The following STPG4 variants were observed in gnomAD, a reference collection of about 807,000 sequenced individuals.
STPG4 encodes the protein sperm-tail PG-rich repeat containing 4, also known as protein STPG4.
A neutral mutation model predicts 31.5 loss-of-function variants in STPG4; 41 were observed. The ratio of observed to expected loss-of-function variants is 1.30; its 90% confidence interval spans 1.01 to 1.69. STPG4 has a LOEUF of 1.69. Among genes scored for constraint, STPG4 ranks in the 40% most tolerant of loss-of-function variants. The probability of loss-of-function intolerance (pLI) is 0.00; values close to 1 mark genes in which losing one functional copy is unlikely to be tolerated. For missense variants in STPG4, 375 were observed against 293.4 expected (o/e 1.28, Z -2.03); for synonymous variants, 141 against 103.0 (o/e 1.37, Z -2.24).
Position 47,103,568 on chromosome 2 carries a change from G to A in STPG4, c.520-13194C>T, listed in dbSNP as rs182850758. ...AAACCTTGGTGGTTCAGAGAGGACAGAAAATGGAGCAGGCCAATCACCTGG... is the reference window on the plus strand; with the variant it reads ...AAACCTTGGTGGTTCAGAGAGGACAAAAAATGGAGCAGGCCAATCACCTGG... On this transcript the variant is annotated intron_variant, in intron 5 of 6. Coordinates refer to ENST00000445927, the MANE Select transcript of STPG4 (RefSeq NM_001163561.2). Among the ~76,000 whole-genome samples the A allele has an allele frequency of 6.6e-5, 10 of 152,070 alleles. 1 individual carries two copies. Among genetic ancestry groups the A allele is most frequent in the African/African-American group, 2.4e-4 (10 of 41,366 alleles).
intron 5 of STPG4, among the ~76,000 whole-genome samples, chr2:47,117,202 T>C (rs1327467797): frequency 3.9e-5 from 6 of 152,044 alleles, no homozygotes; most frequent in Non-Finnish European, 7.4e-5. Flanking sequence ...AGAAGATGCA[T>C]GTGGTTTTTT....
At chr2:47,102,711 A>T (rs745871470) in intron 5 of STPG4, among the ~76,000 whole-genome samples, 2 of 151,192 alleles carry the variant, frequency 1.3e-5, no homozygotes, top group African/African-American at 4.9e-5. Context: ...TAAGCAAAGA[A>T]ATCTCCAAAG....
rs143532762 is a variant in STPG4, at chr2:47,113,698, T to C, written c.519+16243A>G. ...TCAAAATTTATCAACAACCTGTACA[T>C]AATCTTTAGTAAATCCCATTTGTGA... On this transcript the variant is annotated intron_variant, in intron 5 of 6. Transcript: ENST00000445927. Among the ~76,000 whole-genome samples, 7 of 152,300 alleles carry C rather than the reference T, an allele frequency of 4.6e-5. No homozygotes were observed. The East Asian group carries it at 9.6e-4, about 21-fold the overall frequency.
intron 3 of STPG4, among the ~76,000 whole-genome samples, chr2:47,144,770 G>A (rs993312979): frequency 9.2e-5 from 14 of 151,672 alleles, no homozygotes; most frequent in Non-Finnish European, 1.3e-4. Context: ...TTGCTCTGTC[G>A]CCCAGGCTGG....
chr2:47,127,507 C>G (rs1034823758), intron 5 of STPG4, among the ~76,000 whole-genome samples: 3 of 151,934 alleles, frequency 2.0e-5, no homozygotes, highest in Non-Finnish European at 4.4e-5. Flanking sequence ...GGCCTCAAGC[C>G]GTCTGCCTGC....
intron 3 of STPG4, among the ~76,000 whole-genome samples, chr2:47,133,299 T>C (rs1321187139): frequency 6.6e-6 from 1 of 152,020 alleles, no homozygotes; most frequent in Admixed American, 6.6e-5. Context: ...TCTGACTACC[T>C]GGGACTATAG....
At position 47,109,848 on chromosome 2, in the gene STPG4, C is replaced by T. The variant is rs140206152; in HGVS notation, c.520-19474G>A. On this transcript the variant is annotated intron_variant, in intron 5 of 6. Coordinates refer to ENST00000445927, the MANE Select transcript of STPG4 (RefSeq NM_001163561.2). Reference sequence around the variant, plus strand: ...TAAAACAGTTGGAATGATTCCGCAGCGTTTCACAATGCTGGTTTGAGGGCA... The same window carrying T: ...TAAAACAGTTGGAATGATTCCGCAGTGTTTCACAATGCTGGTTTGAGGGCA... 1.4e-3 allele frequency among the ~76,000 whole-genome samples: 211 copies of T among 152,232 alleles called. 1 individual carries two copies. The highest frequency in any genetic ancestry group is 4.9e-3 in the African/African-American group (203 of 41,526).
chr2:47,140,818 C>A lies in STPG4; in HGVS notation c.399+10440G>T, dbSNP rs13405416. On this transcript the variant is annotated intron_variant, in intron 3 of 6. Coordinates refer to ENST00000445927, the MANE Select transcript of STPG4 (RefSeq NM_001163561.2). ...CAACAGATTTCTAATAGGATTTCTACACCTTTAGAATCCCTATTAGAATAA... is the reference window on the plus strand; with the variant it reads ...CAACAGATTTCTAATAGGATTTCTAAACCTTTAGAATCCCTATTAGAATAA... Among the ~76,000 whole-genome samples, 889 of 152,152 alleles carry A rather than the reference C, an allele frequency of 5.8e-3. 14 individuals carry two copies. The highest frequency in any genetic ancestry group is 0.02 in the African/African-American group (845 of 41,510).
At chr2:47,099,861 G>A (rs1330419296) in intron 5 of STPG4, among the ~76,000 whole-genome samples, 3 of 152,210 alleles carry the variant, frequency 2.0e-5, no homozygotes, top group Non-Finnish European at 4.4e-5. Context: ...GGGCAATGAG[G>A]GGCTTAGCAC....
chr2:47,094,431 A>T (rs539088192), intron 5 of STPG4, among the ~76,000 whole-genome samples: 6 of 152,200 alleles, frequency 3.9e-5, no homozygotes, highest in Non-Finnish European at 7.3e-5. Context: ...CCTGATGAGA[A>T]TATCATTCTC....
chr2:47,116,539 G>A (rs1254037142), intron 5 of STPG4, among the ~76,000 whole-genome samples: 1 of 152,142 alleles, frequency 6.6e-6, no homozygotes, highest in Non-Finnish European at 1.5e-5. Context: ...TAAGGCTACT[G>A]TCTAAAAGCA....
At chr2:47,125,746 A>T (rs1475253148) in intron 5 of STPG4, among the ~76,000 whole-genome samples, 1 of 150,926 alleles carries the variant, frequency 6.6e-6, no homozygotes, top group Non-Finnish European at 1.5e-5. Flanking sequence ...TTAACTAGAG[A>T]CAGGGTCTCC....
intron 5 of STPG4, among the ~76,000 whole-genome samples, chr2:47,111,626 G>A (rs1297571581): frequency 6.6e-6 from 1 of 152,026 alleles, no homozygotes; most frequent in South Asian, 2.1e-4. Context: ...AGCTAAAAGT[G>A]AATGGTGTCT....
At chr2:47,104,708 A>C (rs979842625) in intron 5 of STPG4, among the ~76,000 whole-genome samples, 4 of 151,914 alleles carry the variant, frequency 2.6e-5, no homozygotes, top group Non-Finnish European at 5.9e-5. Flanking sequence ...CTGGTCCTTC[A>C]ATATGTGGAT....
At chr2:47,101,936 A>C (rs553394255) in intron 5 of STPG4, among the ~76,000 whole-genome samples, 1 of 151,860 alleles carries the variant, frequency 6.6e-6, no homozygotes, top group African/African-American at 2.4e-5. Context: ...CAGGTTTTCG[A>C]GAATGTGTCG....
At chr2:47,097,527 G>C (rs1031232399) in intron 5 of STPG4, among the ~76,000 whole-genome samples, 3 of 152,104 alleles carry the variant, frequency 2.0e-5, no homozygotes, top group Non-Finnish European at 2.9e-5. Context: ...GAGGAAGCTT[G>C]TCTGCCTTCC....
At chr2:47,120,968 A>G (rs1686261533) in intron 5 of STPG4, 1 of 152,568 alleles carries the variant, frequency 6.6e-6, no homozygotes, top group African/African-American at 2.4e-5. Flanking sequence ...AGAGAATGAC[A>G]TATTTTTGGA....
At position 47,153,111 on chromosome 2, in the gene STPG4, C is replaced by T. The variant is rs148380997; in HGVS notation, c.82-95G>A. 1,975 of 792,614 alleles carry T rather than the reference C, an allele frequency of 2.5e-3. 2 individuals are homozygous for T. Among genetic ancestry groups the T allele is most frequent in the Non-Finnish European group, 3.0e-3 (1,441 of 486,304 alleles). The allele number at this position is 792,614 out of a possible 1,614,324, so 49.1% of individuals were successfully genotyped here. Reference sequence around the variant, plus strand: ...AACATTTGCTTGAAGAAATTCACACCCATACCCAACTGATATGTCTTCATT... The same window carrying T: ...AACATTTGCTTGAAGAAATTCACACTCATACCCAACTGATATGTCTTCATT... On this transcript the variant is annotated intron_variant, in intron 1 of 6. Coordinates refer to ENST00000445927, the MANE Select transcript of STPG4 (RefSeq NM_001163561.2).
At chr2:47,109,873 A>G (rs1483144167) in intron 5 of STPG4, among the ~76,000 whole-genome samples, 5 of 152,216 alleles carry the variant, frequency 3.3e-5, no homozygotes, top group Non-Finnish European at 5.9e-5. Context: ...GTTTGAGGGC[A>G]TAGTCTATGC....
Sources: allele counts gnomAD v4.1 joint callset (sites outside exome capture counted in the v4.1 genomes callset), GRCh38; gene constraint gnomAD v4.1.1; transcripts MANE v1.5; gene names NCBI Gene and HGNC (gene_info 2026-07-23, HGNC 2026-07-21).